PUS10: variants seen among roughly 807,000 people sequenced by gnomAD.
The protein encoded by PUS10 is pseudouridine synthase 10, also known as tRNA pseudouridine synthase Pus10.
A neutral mutation model predicts 75.0 loss-of-function variants in PUS10; 59 were observed. The ratio of observed to expected loss-of-function variants is 0.79; its 90% CI spans 0.64 to 0.98. The LOEUF (loss-of-function observed/expected upper bound fraction) is 0.98. PUS10 is among the 50% of genes least tolerant of loss of function. PUS10 has a pLI of 0.00. For synonymous variants in PUS10, 219 were observed against 211.6 expected (o/e 1.03, Z -0.30); for missense variants, 650 against 614.4 (o/e 1.06, Z -0.61).
chr2:60,969,722 T>C (rs1213623161), intron 5 of PUS10, among the ~76,000 whole-genome samples: 2 of 152,236 alleles, frequency 1.3e-5, no homozygotes, highest in South Asian at 4.1e-4. Flanking sequence ...ACCTGTGTTT[T>C]TTTCTGTTCC....
intron 4 of PUS10, among the ~76,000 whole-genome samples, chr2:60,984,459 A>G (rs1278246023): frequency 6.6e-6 from 1 of 152,258 alleles, no homozygotes; most frequent in African/African-American, 2.4e-5. Flanking sequence ...GTTGTAATAC[A>G]CTGCTGTAAA....
chr2:60,990,830 C>A (rs991498066), intron 4 of PUS10, among the ~76,000 whole-genome samples: 2 of 152,156 alleles, frequency 1.3e-5, no homozygotes, highest in Non-Finnish European at 2.9e-5. Flanking sequence ...ACTGCAGCCT[C>A]CACGTCTGGG....
intron 4 of PUS10, among the ~76,000 whole-genome samples, chr2:61,001,126 A>G (rs895798258): frequency 2.6e-5 from 4 of 152,196 alleles, no homozygotes; most frequent in African/African-American, 9.6e-5. Context: ...GCAGTATACT[A>G]TCAGTTCCAA....
chr2:61,004,362 C>T (rs531548463), intron 4 of PUS10, among the ~76,000 whole-genome samples: 6 of 152,180 alleles, frequency 3.9e-5, no homozygotes, highest in Admixed American at 6.5e-5. Flanking sequence ...TGGTGGCTCA[C>T]GCCTGTAATT....
chr2:61,012,887 T>TATATATATATATACACAC (rs67357917), intron 1 of PUS10, among the ~76,000 whole-genome samples: 3 of 88,894 alleles, frequency 3.4e-5, no homozygotes, highest in Admixed American at 1.4e-4. Flanking sequence ...TATATATATA[T>TATATATATATATACACAC]ACACACACAC....
intron 5 of PUS10, among the ~76,000 whole-genome samples, chr2:60,970,581 C>G (rs1573431829): frequency 6.6e-6 from 1 of 152,068 alleles, no homozygotes. Flanking sequence ...ATCAAACTTA[C>G]TATGAATATT....
chr2:60,943,454 C>A (rs1420040133), intron 17 of PUS10, among the ~76,000 whole-genome samples: 3 of 139,762 alleles, frequency 2.1e-5, no homozygotes, highest in African/African-American at 7.9e-5. Context: ...GCTAGGGGAT[C>A]TACTTTAAGA....
intron 16 of PUS10, among the ~76,000 whole-genome samples, chr2:60,945,904 C>G (rs898340200): frequency 2.6e-5 from 4 of 152,172 alleles, no homozygotes; most frequent in Non-Finnish European, 5.9e-5. Flanking sequence ...TACAAACCAG[C>G]ATTTAGTAGA....
In PUS10 at chr2:60,981,964, G is replaced by A. The variant is rs553932613; in HGVS notation, c.469-10407C>T. On this transcript the variant is annotated intron_variant, in intron 4 of 17. Transcript: ENST00000316752. The stretch of plus-strand genomic sequence containing the variant: ...ACAAACAATTTTGAAGGAAAGTAAA[G>A]TAACAAATTAATTATTTGGTAATTA... Among the ~76,000 whole-genome samples, 3 of 151,810 alleles carry A rather than the reference G, an allele frequency of 2.0e-5. No individual in the cohort carries two copies. The South Asian group carries it at 6.2e-4, about 31-fold the overall frequency.
chr2:61,018,146 G>C lies in PUS10; in HGVS notation c.-154C>G, dbSNP rs1253134886. ...GGGCGGCTTCCTACCTACCGCTTCT[G>C]TTTTCACTTTGACAGAATGGCTTCT... On this transcript the variant is annotated 5_prime_UTR_variant, in exon 1 of 18. Transcript: ENST00000316752. 6.4e-7 allele frequency: 1 copy of C among 1,550,404 alleles called. No individual in the cohort carries two copies. Among genetic ancestry groups the C allele is most frequent in the Non-Finnish European group, 8.7e-7 (1 of 1,146,680 alleles).
chr2:60,959,134 G>C (rs996520617), intron 11 of PUS10, among the ~76,000 whole-genome samples: 1 of 152,168 alleles, frequency 6.6e-6, no homozygotes, highest in Non-Finnish European at 1.5e-5. Context: ...TTCAGTCTTT[G>C]TAAAATGGCT....
intron 4 of PUS10, among the ~76,000 whole-genome samples, chr2:60,988,802 ATTTTTTT>A (rs574393734): frequency 7.4e-6 from 1 of 135,062 alleles, no homozygotes. Context: ...TACCGGGTTA[ATTTTTTT>A]TTTTTTTTTT....
intron 3 of PUS10, among the ~76,000 whole-genome samples, chr2:61,008,507 A>C (rs1333642524): frequency 6.6e-6 from 1 of 152,088 alleles, no homozygotes; most frequent in East Asian, 1.9e-4. Context: ...AAAAGAAAAA[A>C]AATTAGGTGG....
chr2:61,017,291 T>G (rs1487175045), intron 1 of PUS10: 1 of 153,486 alleles, frequency 6.5e-6, no homozygotes, highest in East Asian at 1.9e-4. Context: ...AGAACAAAAG[T>G]ACCAGCCCGC....
chr2:60,960,523 A>G lies in PUS10; in HGVS notation c.875-6T>C. Reference sequence around the variant, plus strand: ...GGAGTATTTATTATATCTCCCTGAGAAAGAAATAATCAGATAGCCTGGATG... The same window carrying G: ...GGAGTATTTATTATATCTCCCTGAGGAAGAAATAATCAGATAGCCTGGATG... On this transcript the variant is annotated splice_polypyrimidine_tract_variant and splice_region_variant and intron_variant, in intron 10 of 17. Transcript: ENST00000316752. 1.3e-6 allele frequency: 2 copies of G among 1,568,490 alleles called. No individual in the cohort carries two copies. The highest frequency in any genetic ancestry group is 1.7e-4 in the Middle Eastern group (1 of 5,956).
chr2:61,011,683 C>G, intron 2 of PUS10, 82 bp downstream of exon 2: 1 of 980,122 alleles, frequency 1.0e-6, no homozygotes, highest in South Asian at 2.1e-5. Context: ...TAGATACCTG[C>G]CCTCAAAAGT....
rs565352891 is a variant in PUS10 at position 60,989,225 on chromosome 2, G to C, written c.468+17332C>G. 1.1e-4 allele frequency among the ~76,000 whole-genome samples: 16 copies of C among 151,888 alleles called. No individual in the cohort carries two copies. In the East Asian group the frequency reaches 2.9e-3, roughly 28 times the overall value. Reference sequence around the variant, plus strand: ...GGAATTCTGGAAGTGGTGGTGGAAGGTAAAGGGTAGGAATAAAGAAAATTG... The same window carrying C: ...GGAATTCTGGAAGTGGTGGTGGAAGCTAAAGGGTAGGAATAAAGAAAATTG... On this transcript the variant is annotated intron_variant, in intron 4 of 17. Transcript: ENST00000316752.
Position 61,009,010 on chromosome 2 carries a change from C to T in PUS10, c.132G>A (p.Leu44=). The change falls in exon 3 of 18, where the codon TTG becomes TTA. Residue 44 remains leucine, a synonymous_variant. Coordinates refer to ENST00000316752, the MANE Select transcript of PUS10 (RefSeq NM_144709.4). ...CCAGAAATTTCTGTAGTTCATTGAG[C>T]AACTCCTGGAAAGTTAATGAAAGAA... is the stretch of plus-strand genomic sequence containing the variant. ...HAPYKLPYKE[L]LNELQKFLET... is the part of the protein sequence containing the mutation. 6.2e-7 allele frequency: 1 copy of T among 1,610,918 alleles called. No homozygotes were observed. The highest frequency in any genetic ancestry group is 1.3e-5 in the African/African-American group (1 of 74,770).
chr2:60,981,065 AT>A (rs954320404), intron 4 of PUS10, among the ~76,000 whole-genome samples: 1 of 151,406 alleles, frequency 6.6e-6, no homozygotes, highest in East Asian at 2.0e-4. Context: ...TAATTTTTGT[AT>A]TTTTTTAGTA....
Sources: allele counts gnomAD v4.1 joint callset (sites outside exome capture counted in the v4.1 genomes callset), GRCh38; gene constraint gnomAD v4.1.1; transcripts MANE v1.5; gene names NCBI Gene and HGNC (gene_info 2026-07-23, HGNC 2026-07-21).